Variants in UNC50 observed in about 807,000 individuals in gnomAD.
UNC50 encodes the protein unc-50 inner nuclear membrane RNA binding protein.
A neutral mutation model predicts 31.5 loss-of-function variants in UNC50; 24 were observed. That is an observed-to-expected ratio of 0.76 (90% CI 0.55 to 1.07). The LOEUF (loss-of-function observed/expected upper bound fraction) is 1.07. UNC50 is among the 50% of genes least tolerant of loss of function. The probability of loss-of-function intolerance (pLI) is 0.00; values close to 1 mark genes in which losing one functional copy is unlikely to be tolerated. For synonymous variants in UNC50, 118 were observed against 114.7 expected, an observed-to-expected ratio of 1.03 and a Z score of -0.18; for missense variants, 245 against 304.2, an observed-to-expected ratio of 0.81 and a Z score of 1.45.
In UNC50 at chr2:98,616,213, C is replaced by T. The variant is rs1700917635; in HGVS notation, c.408C>T (p.Ile136=). 6.2e-7 allele frequency: 1 copy of T among 1,607,610 alleles called. No individual in the cohort carries two copies. Among genetic ancestry groups the T allele is most frequent in the Non-Finnish European group, 8.5e-7 (1 of 1,178,198 alleles). Residue 136 remains isoleucine, a synonymous_variant, in exon 4 of 6, where the codon ATC becomes ATT. Transcript: ENST00000357765. ...GLLIATLMWF[I]SNKYLVKRQS... ...ATTTTAATTTTGCTCTTAGGTTCAT[C>T]TCTAACAAGTATTTAGTGAAACGAC...
intron 1 of UNC50, 37 bp downstream of exon 1, chr2:98,608,763 G>T: frequency 3.1e-6 from 1 of 320,712 alleles, no homozygotes; most frequent in East Asian, 9.1e-5. Context: ...CCCGCGGCCC[G>T]GGCTCGCGCC....
chr2:98,618,390 CTTTGTAGAT>C lies in UNC50; in HGVS notation c.*87_*95del. 7.1e-7 allele frequency: 1 copy of C among 1,401,104 alleles called. No homozygotes were observed. The allele number at this position is 1,401,104 out of a possible 1,614,324, so 86.8% of individuals were successfully genotyped here. Reference sequence around the variant, plus strand: ...GTAAAACTTGTAAATAAACTATCATCTTTGTAGATATCTTAAAGGTGTAAAGTTTGCAAA... The same window carrying C: ...GTAAAACTTGTAAATAAACTATCATCATCTTAAAGGTGTAAAGTTTGCAAA... On this transcript the variant is annotated 3_prime_UTR_variant, in exon 6 of 6. Transcript: ENST00000357765.
chr2:98,616,107 G>T, intron 3 of UNC50, 100 bp from the exon 4 acceptor site: 1 of 1,222,844 alleles, frequency 8.2e-7, no homozygotes, highest in South Asian at 1.5e-5. Flanking sequence ...TTGTTTACTG[G>T]TATATCTCCA....
rs1345576509 is a variant in UNC50 at position 98,610,826 on chromosome 2, T to C, written c.332T>C (p.Ile111Thr). Residue 111 changes from isoleucine (I) to threonine (T), a missense_variant, in exon 3 of 6, where the codon ATA becomes ACA. Physicochemically the swap from Ile to Thr is moderately conservative, Grantham distance 89. Transcript: ENST00000357765. ...CTGGACATGGGATTCTTTGAGACAA[T>C]AAAGCTTCTCCTTTGGGTTGTACTC... is the stretch of plus-strand genomic sequence containing the variant. The part of the protein sequence containing the change: ...FVLDMGFFET[I>T]KLLLWVVLID... 1 of 1,614,216 alleles carries C rather than the reference T, an allele frequency of 6.2e-7. No homozygotes were observed. Among genetic ancestry groups the C allele is most frequent in the Non-Finnish European group, 8.5e-7 (1 of 1,180,012 alleles).
chr2:98,615,651 T>C (rs541206074), intron 3 of UNC50, among the ~76,000 whole-genome samples: 1 of 152,334 alleles, frequency 6.6e-6, no homozygotes, highest in South Asian at 2.1e-4. Flanking sequence ...GCTGCCAGTC[T>C]TGTCTCTGGA....
chr2:98,617,058 C>G (rs1054393491), intron 5 of UNC50, among the ~76,000 whole-genome samples: 4 of 152,158 alleles, frequency 2.6e-5, no homozygotes, highest in Non-Finnish European at 5.9e-5. Flanking sequence ...AGATCGGGCC[C>G]AACATTTATT....
intron 5 of UNC50, among the ~76,000 whole-genome samples, chr2:98,617,662 T>G (rs1187088203): frequency 6.6e-6 from 1 of 152,172 alleles, no homozygotes; most frequent in African/African-American, 2.4e-5. Context: ...CTTTTATATT[T>G]AAGAGTTTCA....
At position 98,610,040 on chromosome 2, in the gene UNC50, G is replaced by GT; in HGVS notation, c.280+2dup. 6.2e-7 allele frequency: 1 copy of GT among 1,609,196 alleles called. No individual in the cohort carries two copies. Reference sequence around the variant, plus strand: ...GTCCTGTTAAGTATCTGGCTCTGTGGTAAGTGTGTTTATCTGAGATAGAAT... The same window carrying GT: ...GTCCTGTTAAGTATCTGGCTCTGTGGTTAAGTGTGTTTATCTGAGATAGAAT... On this transcript the variant is annotated splice_donor_variant, in intron 2 of 5. Transcript: ENST00000357765. LOFTEE classifies it high-confidence loss of function.
chr2:98,618,004 G>GAA, intron 5 of UNC50, 164 bp from the exon 6 acceptor site: 1 of 725,208 alleles, frequency 1.4e-6, no homozygotes, highest in Non-Finnish European at 2.1e-6. Flanking sequence ...GAGGGGTTGG[G>GAA]AAGAGTAGTC....
chr2:98,615,678 G>A lies in UNC50; in HGVS notation c.402-529G>A, dbSNP rs141624687. ...GTCTCTGGAGTCTGTTCTCAGATCC[G>A]CCACCAGGGAGGCTCTGTCAAGGCA... On this transcript the variant is annotated intron_variant, in intron 3 of 5. Transcript: ENST00000357765. Among the ~76,000 whole-genome samples, 22 of 152,196 alleles carry A rather than the reference G, an allele frequency of 1.4e-4. 1 individual carries two copies. The East Asian group carries it at 3.5e-3, about 24-fold the overall frequency.
chr2:98,609,456 C>T, intron 1 of UNC50: 2 of 461,660 alleles, frequency 4.3e-6, no homozygotes, highest in Non-Finnish European at 3.9e-6. Context: ...TATCACTATC[C>T]TCGGAGTCAT....
Position 98,609,830 on chromosome 2 carries a change from GAC to G in UNC50, c.77_78del (p.Thr26SerfsTer21). On this transcript the variant is annotated frameshift_variant, in exon 2 of 6. Coordinates refer to ENST00000357765, the MANE Select transcript of UNC50 (RefSeq NM_014044.7). LOFTEE classifies it high-confidence loss of function. ...GTCTTGAATTCCAGGGATGCGGCAA[GAC>G]ACACAGCCGGAGCGAAACGCTACAA... 2 of 1,614,240 alleles carry G rather than the reference GAC, an allele frequency of 1.2e-6. No individual in the cohort carries two copies. The highest frequency in any genetic ancestry group is 1.7e-6 in the Non-Finnish European group (2 of 1,180,052).
At chr2:98,612,002 CG>C (rs1700841654) in intron 3 of UNC50, among the ~76,000 whole-genome samples, 2 of 141,792 alleles carry the variant, frequency 1.4e-5, no homozygotes, top group South Asian at 2.2e-4. Context: ...CACACACACA[CG>C]GGCTTTATCA....
chr2:98,608,743 ACT>A lies in UNC50; in HGVS notation c.-5+20_-5+21del, dbSNP rs1196010490. 2 of 352,916 alleles carry A rather than the reference ACT, an allele frequency of 5.7e-6. No individual in the cohort carries two copies. The highest frequency in any genetic ancestry group is 4.5e-5 in the African/African-American group (2 of 44,532). 21.9% of individuals were successfully genotyped at this position (352,916 alleles called of 1,614,324 possible). A position where few individuals can be genotyped will look rare whatever the true frequency, so the allele number is the denominator to read the frequency against. ...GGACTCCAGGTGAGGCCTGAGGACC[ACT>A]CTGCCCTCCCGCGGCCCGGGCTCGC... On this transcript the variant is annotated intron_variant, in intron 1 of 5. Transcript: ENST00000357765.
intron 3 of UNC50, 125 bp from the exon 4 acceptor site, chr2:98,616,082 G>A: frequency 1.1e-6 from 1 of 871,342 alleles, no homozygotes; most frequent in Non-Finnish European, 1.7e-6. Flanking sequence ...TGGAAGGCAG[G>A]GATTTTTGTC....
intron 3 of UNC50, 78 bp from the exon 4 acceptor site, chr2:98,616,129 G>A (rs1700915668): frequency 4.2e-6 from 6 of 1,430,200 alleles, no homozygotes; most frequent in Non-Finnish European, 5.7e-6. Context: ...AATTTAGAAT[G>A]TCTGCCGCAT....
Position 98,616,505 on chromosome 2 carries a change from T to C in UNC50, c.615T>C (p.Tyr205=). 6.2e-7 allele frequency: 1 copy of C among 1,614,016 alleles called. No homozygotes were observed. The highest frequency in any genetic ancestry group is 8.5e-7 in the Non-Finnish European group (1 of 1,179,912). The stretch of plus-strand genomic sequence containing the variant: ...TATGGTTGGTTGCAGTTGGCTATTA[T>C]ATCTATGTAACTTTCCTGGGATACA... ...NTLWLVAVGY[Y]IYVTFLGYSA... The change falls in exon 5 of 6, where the codon TAT becomes TAC. Residue 205 remains tyrosine, a synonymous_variant. Coordinates refer to ENST00000357765, the MANE Select transcript of UNC50 (RefSeq NM_014044.7).
At chr2:98,610,266 G>T (rs1040553031) in intron 2 of UNC50, among the ~76,000 whole-genome samples, 2 of 152,178 alleles carry the variant, frequency 1.3e-5, no homozygotes, top group Admixed American at 1.3e-4. Flanking sequence ...CAGGGGACAA[G>T]ATTCACTCCA....
chr2:98,610,122 T>C, intron 2 of UNC50, 83 bp downstream of exon 2: 1 of 1,369,764 alleles, frequency 7.3e-7, no homozygotes, highest in Non-Finnish European at 1.0e-6. Context: ...TGGGTCAGAA[T>C]CTGGAAATAT....
Sources: gnomAD v4.1 joint callset for allele counts (sites outside exome capture counted in the v4.1 genomes callset) on GRCh38, gnomAD v4.1.1 for gene constraint, MANE v1.5 for transcripts, NCBI Gene and HGNC (gene_info 2026-07-23, HGNC 2026-07-21) for gene names.